The following ROBO2 variants were observed in gnomAD, a reference collection of about 807,000 sequenced individuals.
The protein encoded by ROBO2 is roundabout homolog 2.
A neutral mutation model predicts 160.8 loss-of-function variants in ROBO2; 53 were observed. That is an observed-to-expected ratio of 0.33 (90% CI 0.26 to 0.41). ROBO2 has a LOEUF of 0.41. Among genes scored for constraint, ROBO2 ranks in the 10% least tolerant of loss-of-function variants. The pLI is 1.00. For missense variants in ROBO2, 1,577 were observed against 1,722.4 expected, an observed-to-expected ratio of 0.92 and a Z score of 1.49; for synonymous variants, 664 against 611.7, an observed-to-expected ratio of 1.09 and a Z score of -1.26.
chr3:76,416,488 A>G (rs558257909), intron 2 of ROBO2, among the ~76,000 whole-genome samples: 4 of 152,204 alleles, frequency 2.6e-5, no homozygotes, highest in Non-Finnish European at 4.4e-5. Flanking sequence ...TTACATTTTG[A>G]CCATTATATT....
intron 5 of ROBO2, among the ~76,000 whole-genome samples, chr3:77,502,478 G>A (rs1221457474): frequency 6.6e-6 from 1 of 151,928 alleles, no homozygotes; most frequent in Non-Finnish European, 1.5e-5. Flanking sequence ...TTTTTCTCAT[G>A]GAATGTTTTA....
At chr3:77,428,337 A>ATTTTTTTTTTTTTTTTTTTTTTTTTTTTT (rs1491236295) in intron 2 of ROBO2, among the ~76,000 whole-genome samples, 1 of 128,224 alleles carries the variant, frequency 7.8e-6, no homozygotes, top group African/African-American at 3.0e-5. Context: ...AACTTAGGTA[A>ATTTTTTTTTTTTTTTTTTTTTTTTTTTTT]TATTTTTTTT....
chr3:77,496,054 G>A (rs1016091845), intron 5 of ROBO2, among the ~76,000 whole-genome samples: 4 of 152,048 alleles, frequency 2.6e-5, no homozygotes, highest in Non-Finnish European at 5.9e-5. Flanking sequence ...ACTATCAGAA[G>A]GTATGATATC....
intron 2 of ROBO2, among the ~76,000 whole-genome samples, chr3:76,057,610 T>C (rs2067895463): frequency 6.6e-6 from 1 of 152,190 alleles, no homozygotes; most frequent in Admixed American, 6.5e-5. Flanking sequence ...TATATCAGTT[T>C]CTTGGGAAAG....
At chr3:76,655,660 GAAA>G (rs566612444) in intron 2 of ROBO2, among the ~76,000 whole-genome samples, 1 of 127,356 alleles carries the variant, frequency 7.9e-6, no homozygotes, top group Non-Finnish European at 1.7e-5. Flanking sequence ...AGAGAAAGAA[GAAA>G]AAAAAGAAAG....
intron 2 of ROBO2, among the ~76,000 whole-genome samples, chr3:77,145,021 T>TC (rs2077011072): frequency 6.6e-6 from 1 of 152,176 alleles, no homozygotes; most frequent in African/African-American, 2.4e-5. Flanking sequence ...TTTATTTTTT[T>TC]GTCATTTTCT....
chr3:76,802,491 G>A (rs1022750993), intron 2 of ROBO2, among the ~76,000 whole-genome samples: 8 of 152,072 alleles, frequency 5.3e-5, no homozygotes, highest in African/African-American at 1.7e-4. Context: ...CACTTTGGGA[G>A]GCTGAGGAGG....
At chr3:76,227,191 T>C (rs2107450591) in intron 2 of ROBO2, among the ~76,000 whole-genome samples, 1 of 152,344 alleles carries the variant, frequency 6.6e-6, no homozygotes, top group East Asian at 1.9e-4. Flanking sequence ...ATCAGATACT[T>C]TTTGAGAATT....
chr3:77,251,477 A>G (rs569041764), intron 2 of ROBO2, among the ~76,000 whole-genome samples: 4 of 152,266 alleles, frequency 2.6e-5, no homozygotes, highest in African/African-American at 9.6e-5. Context: ...TAGCTTGCTT[A>G]GAAGATCTCA....
chr3:77,041,481 C>T (rs1319006570), intron 1 of ROBO2, among the ~76,000 whole-genome samples: 1 of 152,190 alleles, frequency 6.6e-6, no homozygotes, highest in Non-Finnish European at 1.5e-5. Context: ...TGGGCAAACA[C>T]AATGGGGACC....
chr3:77,276,289 G>C (rs1255423314), intron 2 of ROBO2, among the ~76,000 whole-genome samples: 1 of 151,268 alleles, frequency 6.6e-6, no homozygotes, highest in Non-Finnish European at 1.5e-5. Flanking sequence ...TTCCATTACT[G>C]CCCCTTAAAG....
At chr3:77,371,759 A>G (rs1329373656) in intron 2 of ROBO2, among the ~76,000 whole-genome samples, 1 of 152,184 alleles carries the variant, frequency 6.6e-6, no homozygotes, top group African/African-American at 2.4e-5. Context: ...TATCAAACCT[A>G]ATATATGCTG....
At chr3:76,250,834 G>A (rs1169501763) in intron 2 of ROBO2, among the ~76,000 whole-genome samples, 2 of 151,740 alleles carry the variant, frequency 1.3e-5, no homozygotes, top group East Asian at 1.9e-4. Flanking sequence ...CATATTCCCC[G>A]AATCAAAGTC....
chr3:76,071,175 A>G (rs1344887202), intron 2 of ROBO2, among the ~76,000 whole-genome samples: 5 of 152,174 alleles, frequency 3.3e-5, no homozygotes, highest in African/African-American at 1.2e-4. Flanking sequence ...AACTGGTTCT[A>G]ATAATTTGTG....
At chr3:77,477,682 A>G in intron 3 of ROBO2, 111 bp downstream of exon 3, 2 of 1,114,466 alleles carry the variant, frequency 1.8e-6, no homozygotes, top group Non-Finnish European at 2.7e-6. Context: ...TTGAATGTTA[A>G]TTACAATTTA....
intron 2 of ROBO2, among the ~76,000 whole-genome samples, chr3:76,574,811 A>C (rs1263299832): frequency 6.6e-6 from 1 of 152,068 alleles, no homozygotes; most frequent in East Asian, 1.9e-4. Flanking sequence ...GACTGAGCCT[A>C]AGATGCTGTG....
rs538661777 is a variant in ROBO2 at position 77,638,924 on chromosome 3, T to G, written c.3934+3881T>G. Reference sequence around the variant, plus strand: ...TCACTGTAACTCCCACCTTCCGGGTTCAAGCGATTCTCCTGCCTCAGTCTC... The same window carrying G: ...TCACTGTAACTCCCACCTTCCGGGTGCAAGCGATTCTCCTGCCTCAGTCTC... On this transcript the variant is annotated intron_variant, in intron 24 of 25. Transcript: ENST00000461745. Among the ~76,000 whole-genome samples the G allele has an allele frequency of 2.0e-5, 3 of 149,900 alleles. No homozygotes were observed. In the South Asian group the frequency reaches 6.4e-4, roughly 32 times the overall value.
rs541618157 is a variant in ROBO2 at position 77,532,176 on chromosome 3, A to G, written c.934+9274A>G. Reference sequence around the variant, plus strand: ...TGGCAATGTCTGTCCATTGAACAGGAGGAGAGGCTGGGTCTTAAATTACTC... The same window carrying G: ...TGGCAATGTCTGTCCATTGAACAGGGGGAGAGGCTGGGTCTTAAATTACTC... On this transcript the variant is annotated intron_variant, in intron 6 of 25. Coordinates refer to ENST00000461745, the Ensembl canonical transcript of ROBO2. Among the ~76,000 whole-genome samples the G allele has an allele frequency of 5.3e-5, 8 of 151,686 alleles. No individual in the cohort carries two copies. The South Asian group carries it at 1.7e-3, about 32-fold the overall frequency.
intron 2 of ROBO2, among the ~76,000 whole-genome samples, chr3:77,146,431 C>T (rs1423778575): frequency 6.6e-6 from 1 of 151,860 alleles, no homozygotes; most frequent in Non-Finnish European, 1.5e-5. Context: ...CATTTTTTTC[C>T]CCTTTTAAAG....
Sources: allele counts gnomAD v4.1 joint callset (sites outside exome capture counted in the v4.1 genomes callset), GRCh38; gene constraint gnomAD v4.1.1; transcripts MANE v1.5; gene names NCBI Gene and HGNC (gene_info 2026-07-23, HGNC 2026-07-21).